The following PPARGC1A variants were observed in gnomAD, a reference collection of about 807,000 sequenced individuals.
PPARGC1A encodes PPARG coactivator 1 alpha.
A neutral mutation model predicts 88.7 loss-of-function variants in PPARGC1A; 25 were observed. The ratio of observed to expected loss-of-function variants is 0.28; its 90% CI spans 0.21 to 0.39. PPARGC1A has a LOEUF of 0.39. Ranked by LOEUF, PPARGC1A falls within the 10% of genes least tolerant of loss-of-function variation. The pLI, the probability that PPARGC1A is intolerant of heterozygous loss-of-function variation, is 1.00. For missense variants in PPARGC1A, 880 were observed against 968.7 expected, an observed-to-expected ratio of 0.91 and a Z score of 1.22; for synonymous variants, 363 against 355.6, an observed-to-expected ratio of 1.02 and a Z score of -0.24.
chr4:24,373,219 C>T, the PPARGC1A span, among the ~76,000 whole-genome samples: 1 of 152,166 alleles, frequency 6.6e-6, no homozygotes, highest in Non-Finnish European at 1.5e-5. Context: ...AGGAAACAGT[C>T]GGGTCTGGCG....
At chr4:24,023,043 G>C in the PPARGC1A span, among the ~76,000 whole-genome samples, 2 of 152,056 alleles carry the variant, frequency 1.3e-5, no homozygotes, top group Non-Finnish European at 2.9e-5. Flanking sequence ...CTTTTATAAT[G>C]TACTGTTAAT....
the PPARGC1A span, among the ~76,000 whole-genome samples, chr4:24,229,843 CAAAAAA>C: frequency 7.6e-6 from 1 of 130,850 alleles, no homozygotes; most frequent in East Asian, 2.1e-4. Context: ...AAAACTGTCT[CAAAAAA>C]AAAAAAAAAA....
chr4:24,165,910 G>C, the PPARGC1A span, among the ~76,000 whole-genome samples: 1 of 152,084 alleles, frequency 6.6e-6, no homozygotes, highest in South Asian at 2.1e-4. Context: ...AGAGATGCAC[G>C]TCTCTCACTT....
At chr4:24,256,184 A>C in the PPARGC1A span, among the ~76,000 whole-genome samples, 1 of 152,162 alleles carries the variant, frequency 6.6e-6, no homozygotes, top group African/African-American at 2.4e-5. Context: ...ATCCAGAACA[A>C]ACTGACTCAG....
rs1718895949 is a variant in PPARGC1A, at chr4:23,802,240, T to C, written c.2125A>G (p.Asn709Asp). The change falls in exon 11 of 13, where the codon AAT becomes GAT. Residue 709 changes from asparagine (N) to aspartate (D), a missense_variant. Transcript: ENST00000264867. ...VFGEIEECTVNLRDDGDSYGF... is the reference protein window; with the variant it reads ...VFGEIEECTVDLRDDGDSYGF... The stretch of plus-strand genomic sequence containing the variant: ...GATTCTCACCCATCATCCCGCAGAT[T>C]TACTGTGCACTCCTCAATTTCACCA... 3 of 1,614,036 alleles carry C rather than the reference T, an allele frequency of 1.9e-6. No homozygotes were observed. Among genetic ancestry groups the C allele is most frequent in the Non-Finnish European group, 2.5e-6 (3 of 1,179,962 alleles).
the PPARGC1A span, among the ~76,000 whole-genome samples, chr4:24,253,675 C>T: frequency 6.6e-6 from 1 of 152,208 alleles, no homozygotes; most frequent in Non-Finnish European, 1.5e-5. Flanking sequence ...TAAGGAAGCA[C>T]TTGTGGGACG....
the PPARGC1A span, among the ~76,000 whole-genome samples, chr4:24,138,011 G>A: frequency 6.6e-6 from 1 of 152,110 alleles, no homozygotes; most frequent in Non-Finnish European, 1.5e-5. Context: ...AGCCCCTGAA[G>A]AGCTCCTTGC....
the PPARGC1A span, among the ~76,000 whole-genome samples, chr4:24,017,238 A>C: frequency 4.6e-5 from 7 of 152,200 alleles, 1 homozygote; most frequent in Non-Finnish European, 1.0e-4. Flanking sequence ...AAATTTAGGC[A>C]GTATTTGGAT....
chr4:24,123,862 C>A, the PPARGC1A span, among the ~76,000 whole-genome samples: 1 of 144,256 alleles, frequency 6.9e-6, no homozygotes, highest in African/African-American at 2.6e-5. Flanking sequence ...CAAGCAGTTT[C>A]AGTTTCATGC....
the PPARGC1A span, among the ~76,000 whole-genome samples, chr4:24,064,582 TGCTCATATAAAGACACACA>T: frequency 2.0e-5 from 3 of 152,170 alleles, no homozygotes; most frequent in African/African-American, 7.2e-5. Flanking sequence ...CTCCCCAAGC[TGCTCATATAAAGACACACA>T]GCTCATATAA....
intron 10 of PPARGC1A, among the ~76,000 whole-genome samples, chr4:23,808,759 G>A (rs1187185628): frequency 2.6e-5 from 4 of 152,134 alleles, no homozygotes; most frequent in Non-Finnish European, 5.9e-5. Context: ...CTAATTATTA[G>A]TGTTCTCTTT....
chr4:23,960,028 T>C, the PPARGC1A span, among the ~76,000 whole-genome samples: 3 of 152,140 alleles, frequency 2.0e-5, no homozygotes, highest in Non-Finnish European at 4.4e-5. Flanking sequence ...TAATAAATTA[T>C]AGTTAGTTCA....
chr4:24,233,585 T>TACACAC, the PPARGC1A span, among the ~76,000 whole-genome samples: 341 of 149,320 alleles, frequency 2.3e-3, 1 homozygote, highest in African/African-American at 7.9e-3. Flanking sequence ...CACAAACACA[T>TACACAC]ACACACACAC....
At chr4:23,875,181 AG>A (rs35105429) in intron 2 of PPARGC1A, among the ~76,000 whole-genome samples, 7,506 of 150,888 alleles carry the variant, frequency 0.05, 285 homozygotes, top group East Asian at 0.16. Flanking sequence ...TGGACTTAGA[AG>A]TCCTCAACAT....
chr4:23,809,290 G>A (rs999788631), intron 10 of PPARGC1A, among the ~76,000 whole-genome samples: 1 of 152,060 alleles, frequency 6.6e-6, no homozygotes, highest in Non-Finnish European at 1.5e-5. Context: ...TTTGGAGGAA[G>A]GGAATCAATA....
chr4:24,241,917 G>A, the PPARGC1A span, among the ~76,000 whole-genome samples: 19 of 152,202 alleles, frequency 1.2e-4, no homozygotes, highest in Non-Finnish European at 2.4e-4. Context: ...GTTTTGCTCC[G>A]CTGTCAAGTT....
chr4:24,230,387 C>T, the PPARGC1A span, among the ~76,000 whole-genome samples: 5 of 152,204 alleles, frequency 3.3e-5, no homozygotes, highest in South Asian at 2.1e-4. Flanking sequence ...GATCTGAGGC[C>T]GGGTTGTACA....
the PPARGC1A span, among the ~76,000 whole-genome samples, chr4:24,218,759 A>G: frequency 3.9e-5 from 6 of 152,224 alleles, no homozygotes. Context: ...GTGGTTTAGG[A>G]AACACCCATT....
At chr4:24,273,994 C>T in the PPARGC1A span, among the ~76,000 whole-genome samples, 1 of 152,024 alleles carries the variant, frequency 6.6e-6, no homozygotes, top group African/African-American at 2.4e-5. Flanking sequence ...CCGCCTCAAC[C>T]TCCCAAAGTG....
Sources: allele counts gnomAD v4.1 joint callset (sites outside exome capture counted in the v4.1 genomes callset), GRCh38; gene constraint gnomAD v4.1.1; transcripts MANE v1.5; gene names NCBI Gene and HGNC (gene_info 2026-07-23, HGNC 2026-07-21).